The following TET3 variants were observed in gnomAD, a reference collection of about 807,000 sequenced individuals.
TET3 encodes the protein methylcytosine dioxygenase TET3.
Under a neutral mutation model 141.4 loss-of-function variants are expected in TET3, and 19 were observed. The ratio of observed to expected loss-of-function variants is 0.13; its 90% CI spans 0.09 to 0.20. The LOEUF (loss-of-function observed/expected upper bound fraction) is 0.20. Ranked by LOEUF, TET3 falls within the 10% of genes least tolerant of loss-of-function variation. The pLI, the probability that TET3 is intolerant of heterozygous loss-of-function variation, is 1.00. For missense variants in TET3, 1,874 were observed against 2,356.9 expected, an observed-to-expected ratio of 0.80 and a Z score of 4.24; for synonymous variants, 1,043 against 980.9, an observed-to-expected ratio of 1.06 and a Z score of -1.18.
chr2:73,985,203 GGCGGGAGGC>G (rs949276516), intron 1 of TET3, 46 bp downstream of exon 1: 2 of 146,256 alleles, frequency 1.4e-5, no homozygotes, highest in South Asian at 1.8e-4. Flanking sequence ...GGGGAGGGGC[GGCGGGAGGC>G]GCGGGGGGCC....
At chr2:74,126,469 A>G in the TET3 span, among the ~76,000 whole-genome samples, 83 of 148,502 alleles carry the variant, frequency 5.6e-4, no homozygotes, top group Non-Finnish European at 1.0e-3. Context: ...AATCATTGGC[A>G]TCTTTTAGGC....
intron 2 of TET3, chr2:73,993,844 G>A (rs1375009533): frequency 2.0e-5 from 3 of 152,288 alleles, no homozygotes; most frequent in African/African-American, 7.2e-5. Context: ...CCATGACCCA[G>A]TAGTAGATGG....
At chr2:73,994,624 T>G (rs1239251342) in intron 2 of TET3, among the ~76,000 whole-genome samples, 1 of 134,488 alleles carries the variant, frequency 7.4e-6, no homozygotes, top group Non-Finnish European at 1.5e-5. Context: ...TTTTCTTTCT[T>G]TCTTTCTTTC....
At chr2:74,017,722 A>G (rs749829199) in intron 3 of TET3, among the ~76,000 whole-genome samples, 1 of 152,098 alleles carries the variant, frequency 6.6e-6, no homozygotes, top group Non-Finnish European at 1.5e-5. Flanking sequence ...TCTCTTTGAC[A>G]CACCTATTTC....
At chr2:74,072,931 C>T in intron 4 of TET3, among the ~76,000 whole-genome samples, 1 of 152,346 alleles carries the variant, frequency 6.6e-6, no homozygotes, top group African/African-American at 2.4e-5. Context: ...AAACTTCATT[C>T]CTTTTTTGGC....
chr2:74,057,851 G>A (rs1688298062), intron 4 of TET3, among the ~76,000 whole-genome samples: 1 of 152,174 alleles, frequency 6.6e-6, no homozygotes. Flanking sequence ...AGGAAAAGTG[G>A]AGGGATTAAT....
downstream of TET3, among the ~76,000 whole-genome samples, chr2:74,110,319 T>C (rs1691670906): frequency 6.6e-6 from 1 of 151,982 alleles, no homozygotes; most frequent in South Asian, 2.1e-4. Context: ...TTGTCAAATA[T>C]TGGTTTACCC....
chr2:74,007,798 G>GT (rs1168455152), intron 3 of TET3, among the ~76,000 whole-genome samples: 2 of 152,190 alleles, frequency 1.3e-5, no homozygotes, highest in African/African-American at 2.4e-5. Flanking sequence ...GGAAGGACCA[G>GT]TTTTTTTGTT....
chr2:74,084,699 C>T lies in TET3; in HGVS notation c.2680-3131C>T, dbSNP rs546683982. 4.4e-3 allele frequency among the ~76,000 whole-genome samples: 662 copies of T among 152,168 alleles called. 10 individuals carry two copies. The highest frequency in any genetic ancestry group is 0.015 in the African/African-American group (628 of 41,528). On this transcript the variant is annotated intron_variant, in intron 6 of 11. Coordinates refer to ENST00000409262, the MANE Select transcript of TET3 (RefSeq NM_001287491.2). ...CGATCTCCTGACCTCGTGATCCACC[C>T]GCCTCGGCCTCCCAAAGTGCTGGGA... is the stretch of plus-strand genomic sequence containing the variant.
chr2:73,991,130 G>A lies in TET3; in HGVS notation c.303+4424G>A, dbSNP rs189476738. On this transcript the variant is annotated intron_variant, in intron 2 of 11. Coordinates refer to ENST00000409262, the MANE Select transcript of TET3 (RefSeq NM_001287491.2). ...GGCCCTTGGTGTTTTTTTAAATAGA[G>A]ACAGGGTCTCGCTATTTTGCCCAGG... Among the ~76,000 whole-genome samples, 27 of 147,128 alleles carry A rather than the reference G, an allele frequency of 1.8e-4. No individual in the cohort carries two copies. The East Asian group carries it at 5.4e-3, about 29-fold the overall frequency.
rs1688115808 is a variant in TET3, at chr2:74,054,572, G to A, written c.2494+6161G>A. On this transcript the variant is annotated intron_variant, in intron 4 of 11. Transcript: ENST00000409262. ...TGGCAGACTGATGGTAACTGAAAAT[G>A]TTCAGTCCTGATCTTTTCACCAGGC... 2.0e-5 allele frequency among the ~76,000 whole-genome samples: 3 copies of A among 152,172 alleles called. 1 individual carries two copies. In the South Asian group the frequency reaches 6.2e-4, roughly 32 times the overall value.
At chr2:74,035,469 GAAAAA>G (rs57320103) in intron 3 of TET3, among the ~76,000 whole-genome samples, 1 of 77,894 alleles carries the variant, frequency 1.3e-5, no homozygotes, top group Non-Finnish European at 2.8e-5. Context: ...ATCTCAAAAA[GAAAAA>G]AAAAAATGTA....
At position 74,102,225 on chromosome 2, in the gene TET3, T is replaced by A; in HGVS notation, c.*49T>A. On this transcript the variant is annotated 3_prime_UTR_variant, in exon 12 of 12. Transcript: ENST00000409262. ...AGCGTCGGGCCTGGCCCGAGCTGTC[T>A]CTGTGGTGCTTTTGCCCTCATACCT... 1 of 1,394,888 alleles carries A rather than the reference T, an allele frequency of 7.2e-7. No individual in the cohort carries two copies. Among genetic ancestry groups the A allele is most frequent in the Non-Finnish European group, 9.3e-7 (1 of 1,072,540 alleles). 86.4% of individuals were successfully genotyped at this position (1,394,888 alleles called of 1,614,324 possible). A position where few individuals can be genotyped will look rare whatever the true frequency, so the allele number is the denominator to read the frequency against.
intron 6 of TET3, 136 bp downstream of exon 6, chr2:74,080,727 G>C (rs1183779509): frequency 5.9e-6 from 4 of 679,094 alleles, no homozygotes; most frequent in Non-Finnish European, 1.0e-5. Flanking sequence ...GGGTGTGTAG[G>C]AGACAACATG....
rs1015098644 is a variant in TET3 at position 74,047,453 on chromosome 2, C to T, written c.1536C>T (p.Pro512=). 7 of 1,612,630 alleles carry T rather than the reference C, an allele frequency of 4.3e-6. No individual in the cohort carries two copies. Among genetic ancestry groups the T allele is most frequent in the Non-Finnish European group, 5.9e-6 (7 of 1,179,784 alleles). The change falls in exon 4 of 12, where the codon CCC becomes CCT. Residue 512 remains proline (P), a synonymous_variant. Coordinates refer to ENST00000409262, the MANE Select transcript of TET3 (RefSeq NM_001287491.2). ...APSPVLQREA[P]TPSSEPDTHQ... is the part of the protein sequence containing the mutation. The stretch of plus-strand genomic sequence containing the variant: ...CCCCTGTACTTCAGAGGGAGGCTCC[C>T]ACGCCATCCTCGGAGCCCGACACCC...
intron 3 of TET3, among the ~76,000 whole-genome samples, chr2:74,040,490 A>G (rs778900046): frequency 1.3e-5 from 2 of 152,086 alleles, no homozygotes; most frequent in Non-Finnish European, 2.9e-5. Context: ...CAAAAATAGG[A>G]AAGTTGGGAA....
At chr2:74,124,928 TA>T in the TET3 span, among the ~76,000 whole-genome samples, 141 of 55,164 alleles carry the variant, frequency 2.6e-3, no homozygotes, top group Non-Finnish European at 3.0e-3. Context: ...CAATAAATAC[TA>T]AAAAAAAAAA....
chr2:74,099,181 A>G (rs1031012882), intron 10 of TET3, 95 bp from the exon 11 acceptor site: 1 of 1,128,912 alleles, frequency 8.9e-7, no homozygotes. Context: ...TTGTGTGGGG[A>G]AAGATGAGGT....
At position 74,100,969 on chromosome 2, in the gene TET3, G is replaced by C. The variant is rs375382057; in HGVS notation, c.4181G>C (p.Arg1394Thr). The change falls in exon 12 of 12, where the codon AGA (arginine) becomes ACA (threonine). Residue 1394 changes from arginine to threonine, a missense_variant. This residue lies in a region of TET3 where 602 missense variants were observed against 590.2 expected (regional missense o/e 1.02). Coordinates refer to ENST00000409262, the MANE Select transcript of TET3 (RefSeq NM_001287491.2). ...PFAQSSNCYN[R>T]SIKQEPVDPL... ...GCCCAGAGCTCCAACTGCTACAACA[G>C]ATCCATCAAGCAAGAGCCAGTAGAC... is the stretch of plus-strand genomic sequence containing the variant. 9.3e-6 allele frequency: 15 copies of C among 1,611,970 alleles called. No homozygotes were observed. The African/African-American group carries it at 2.0e-4, about 22-fold the overall frequency.
Sources: gnomAD v4.1 joint callset for allele counts (sites outside exome capture counted in the v4.1 genomes callset) on GRCh38, gnomAD v4.1.1 for gene constraint, gnomAD v4.1.1 regional missense constraint, MANE v1.5 for transcripts, NCBI Gene and HGNC (gene_info 2026-07-23, HGNC 2026-07-21) for gene names.